The following PDZD2 variants were observed in gnomAD, a reference collection of about 807,000 sequenced individuals.
The protein encoded by PDZD2 is PDZ domain-containing protein 2.
In PDZD2, 90 loss-of-function variants were observed where a neutral mutation model predicts 220.7. The observed-to-expected ratio is 0.41, with a 90% CI of 0.34 to 0.49. The LOEUF is 0.49. PDZD2 is among the 20% of genes least tolerant of loss of function. The pLI is 0.28. For missense variants in PDZD2, 3,174 were observed against 3,608.5 expected (o/e 0.88, Z 3.08); for synonymous variants, 1,375 against 1,450.5 (o/e 0.95, Z 1.18).
intron 3 of PDZD2, among the ~76,000 whole-genome samples, chr5:31,989,516 G>A (rs1476832293): frequency 6.7e-6 from 1 of 149,772 alleles, no homozygotes; most frequent in Non-Finnish European, 1.5e-5. Context: ...TCTGCCTCCT[G>A]GGTTCAAGCA....
chr5:32,002,908 C>CCA (rs1177016838), intron 5 of PDZD2, among the ~76,000 whole-genome samples: 1 of 81,470 alleles, frequency 1.2e-5, no homozygotes, highest in Non-Finnish European at 2.4e-5. Flanking sequence ...CACACCCCCA[C>CCA]CACACACACA....
chr5:31,692,368 G>A (rs2150128994), intron 1 of PDZD2, among the ~76,000 whole-genome samples: 1 of 152,362 alleles, frequency 6.6e-6, no homozygotes, highest in South Asian at 2.1e-4. Flanking sequence ...CCTGAAAGCT[G>A]AGGGAGCTAG....
At chr5:31,682,640 A>T (rs1746692491) in intron 1 of PDZD2, among the ~76,000 whole-genome samples, 1 of 151,896 alleles carries the variant, frequency 6.6e-6, no homozygotes. Context: ...CTCCAAGATT[A>T]AATAGAACTA....
At chr5:31,908,600 T>G (rs1303503090) in intron 2 of PDZD2, 1 of 1,001,320 alleles carries the variant, frequency 1.0e-6, no homozygotes, top group Non-Finnish European at 1.5e-6. Flanking sequence ...GAAACTAGCT[T>G]CACCAGAGAA....
chr5:31,936,683 A>G (rs1045978636), intron 2 of PDZD2, among the ~76,000 whole-genome samples: 3 of 152,236 alleles, frequency 2.0e-5, no homozygotes, highest in Non-Finnish European at 4.4e-5. Flanking sequence ...AAATACTTTG[A>G]AGGGAGTCAA....
In PDZD2 at chr5:31,925,007, G is replaced by A. The variant is rs146060111; in HGVS notation, c.477-58148G>A. 1.1e-3 allele frequency among the ~76,000 whole-genome samples: 160 copies of A among 152,318 alleles called. 1 individual carries two copies. Among genetic ancestry groups the A allele is most frequent in the African/African-American group, 3.8e-3 (159 of 41,570 alleles). On this transcript the variant is annotated intron_variant, in intron 2 of 24. Coordinates refer to ENST00000438447, the MANE Select transcript of PDZD2 (RefSeq NM_178140.4). ...CCAAAATTGTCTCCATTTCTGTGAA[G>A]AAAGAAACTACCCCTAACTCAAAGG...
At chr5:31,937,505 G>T (rs959344577) in intron 2 of PDZD2, among the ~76,000 whole-genome samples, 1 of 152,154 alleles carries the variant, frequency 6.6e-6, no homozygotes, top group Non-Finnish European at 1.5e-5. Context: ...GCATCCTCAT[G>T]CTGTGGTCAT....
chr5:31,898,587 A>G (rs1741785050), intron 2 of PDZD2, among the ~76,000 whole-genome samples: 1 of 152,274 alleles, frequency 6.6e-6, no homozygotes, highest in South Asian at 2.1e-4. Context: ...GCGCAGTACC[A>G]CTGGTGTGCG....
intron 8 of PDZD2, among the ~76,000 whole-genome samples, chr5:32,049,853 G>A (rs1213840960): frequency 2.0e-5 from 3 of 152,188 alleles, no homozygotes; most frequent in Non-Finnish European, 4.4e-5. Context: ...CCAGGCCCAG[G>A]ACTGCGACCT....
chr5:31,926,570 A>G (rs1273677343), intron 2 of PDZD2, among the ~76,000 whole-genome samples: 1 of 152,020 alleles, frequency 6.6e-6, no homozygotes, highest in Non-Finnish European at 1.5e-5. Context: ...AAAAAATAAC[A>G]GACGCTGGGG....
chr5:31,677,111 A>G (rs1386190286), intron 1 of PDZD2, among the ~76,000 whole-genome samples: 6 of 152,026 alleles, frequency 3.9e-5, no homozygotes, highest in Non-Finnish European at 8.8e-5. Context: ...CCAAAATGAA[A>G]AGTGGTTCAT....
chr5:31,650,278 G>A (rs1384325409), intron 1 of PDZD2, among the ~76,000 whole-genome samples: 1 of 152,124 alleles, frequency 6.6e-6, no homozygotes, highest in Non-Finnish European at 1.5e-5. Context: ...TTCAGATGAG[G>A]AAACAGAGGC....
chr5:31,727,419 T>G (rs1299951486), intron 1 of PDZD2, among the ~76,000 whole-genome samples: 2 of 152,088 alleles, frequency 1.3e-5, no homozygotes, highest in South Asian at 2.1e-4. Flanking sequence ...TGCTATAAGG[T>G]CACATGGCCG....
At chr5:31,643,774 A>G (rs1470777882) in intron 1 of PDZD2, among the ~76,000 whole-genome samples, 5 of 152,194 alleles carry the variant, frequency 3.3e-5, no homozygotes, top group Non-Finnish European at 1.5e-5. Context: ...TTGACTTACT[A>G]AACACTAAGT....
intron 23 of PDZD2, 159 bp from the exon 24 acceptor site, chr5:32,100,946 G>A (rs1239530100): frequency 1.9e-6 from 3 of 1,600,568 alleles, no homozygotes; most frequent in South Asian, 1.1e-5. Flanking sequence ...GTGCTACTGG[G>A]CTCAAGTGCT....
At chr5:31,860,968 CA>C (rs1214602417) in intron 2 of PDZD2, among the ~76,000 whole-genome samples, 2 of 152,176 alleles carry the variant, frequency 1.3e-5, no homozygotes, top group African/African-American at 4.8e-5. Context: ...ATTCAGGTCA[CA>C]TATCTCCATT....
In PDZD2 at chr5:32,057,806, T is replaced by G. The variant is rs919002566; in HGVS notation, c.1975-72T>G. ...TTCTGGCTTGGGTTTGGTGAGTTGT[T>G]TTTTTTTTTTAACCCTTTGATATAA... On this transcript the variant is annotated intron_variant, in intron 11 of 24. Coordinates refer to ENST00000438447, the MANE Select transcript of PDZD2 (RefSeq NM_178140.4). 2.3e-6 allele frequency: 3 copies of G among 1,327,294 alleles called. No homozygotes were observed. The East Asian group carries it at 7.1e-5, about 31-fold the overall frequency. The allele number at this position is 1,327,294 out of a possible 1,614,324, so 82.2% of individuals were successfully genotyped here. A position where few individuals can be genotyped will look rare whatever the true frequency, so the allele number is the denominator to read the frequency against.
intron 2 of PDZD2, among the ~76,000 whole-genome samples, chr5:31,916,615 G>A (rs1743704842): frequency 6.6e-6 from 1 of 152,218 alleles, no homozygotes; most frequent in Non-Finnish European, 1.5e-5. Context: ...CCTGGCTCGA[G>A]TGTCACTTTT....
intron 2 of PDZD2, among the ~76,000 whole-genome samples, chr5:31,904,861 A>G (rs1483189154): frequency 1.3e-5 from 2 of 152,234 alleles, no homozygotes; most frequent in Non-Finnish European, 2.9e-5. Flanking sequence ...AGCATTAGGA[A>G]AAAAGCAGCA....
Sources: allele counts gnomAD v4.1 joint callset (sites outside exome capture counted in the v4.1 genomes callset), GRCh38; gene constraint gnomAD v4.1.1; transcripts MANE v1.5; gene names NCBI Gene and HGNC (gene_info 2026-07-23, HGNC 2026-07-21).